Variants in LHFPL3 observed in about 807,000 individuals in gnomAD.
LHFPL3 encodes LHFPL tetraspan subfamily member 3 protein.
In LHFPL3, 5 loss-of-function variants were observed where a neutral mutation model predicts 19.3. The observed-to-expected ratio is 0.26, with a 90% CI of 0.14 to 0.54. The LOEUF is 0.54. LHFPL3 is among the 20% of genes least tolerant of loss of function. The probability of loss-of-function intolerance (pLI) is 0.94; values close to 1 mark genes in which losing one functional copy is unlikely to be tolerated. For synonymous variants in LHFPL3, 133 were observed against 126.2 expected, an observed-to-expected ratio of 1.05 and a Z score of -0.36; for missense variants, 249 against 307.4, an observed-to-expected ratio of 0.81 and a Z score of 1.42.
intron 1 of LHFPL3, among the ~76,000 whole-genome samples, chr7:104,474,687 CA>C (rs928431129): frequency 0.013 from 537 of 41,074 alleles, 1 homozygote; most frequent in African/African-American, 0.02. Context: ...ACAACAACAA[CA>C]AAAAAAAAAA....
At chr7:104,622,856 C>A (rs1189190777) in intron 1 of LHFPL3, 10 of 178,136 alleles carry the variant, frequency 5.6e-5, no homozygotes, top group Non-Finnish European at 3.7e-5. Flanking sequence ...AATGGTAACT[C>A]TGTGTTTAGA....
chr7:104,621,577 C>T (rs188054047), intron 1 of LHFPL3, among the ~76,000 whole-genome samples: 102 of 152,284 alleles, frequency 6.7e-4, no homozygotes, highest in African/African-American at 2.3e-3. Flanking sequence ...GACATGGACA[C>T]CTTTCCCTCC....
At chr7:104,704,634 T>C (rs1450194639) in intron 1 of LHFPL3, among the ~76,000 whole-genome samples, 1 of 64,042 alleles carries the variant, frequency 1.6e-5, no homozygotes, top group Non-Finnish European at 3.2e-5. Flanking sequence ...CAGAATTCTT[T>C]ATTTCTTTTT....
At chr7:104,783,011 G>T (rs1464009489) in intron 2 of LHFPL3, among the ~76,000 whole-genome samples, 1 of 152,224 alleles carries the variant, frequency 6.6e-6, no homozygotes, top group African/African-American at 2.4e-5. Flanking sequence ...TTGGCTTAAA[G>T]AAATGGTTCT....
intron 1 of LHFPL3, among the ~76,000 whole-genome samples, chr7:104,596,021 G>C (rs949036059): frequency 1.3e-5 from 2 of 152,228 alleles, no homozygotes; most frequent in Admixed American, 1.3e-4. Flanking sequence ...CTTCCCGGGT[G>C]AGACAATACC....
chr7:104,561,319 G>A (rs1789997678), intron 1 of LHFPL3, among the ~76,000 whole-genome samples: 1 of 149,558 alleles, frequency 6.7e-6, no homozygotes. Flanking sequence ...GGGAGTCTAA[G>A]TCTCTTTGTA....
intron 1 of LHFPL3, among the ~76,000 whole-genome samples, chr7:104,383,520 T>A (rs1790872645): frequency 6.6e-6 from 1 of 152,198 alleles, no homozygotes; most frequent in African/African-American, 2.4e-5. Context: ...AGCATTTCAT[T>A]AGCATTTACA....
At chr7:104,851,515 G>A (rs1317761693) in intron 2 of LHFPL3, among the ~76,000 whole-genome samples, 3 of 152,154 alleles carry the variant, frequency 2.0e-5, no homozygotes, top group Admixed American at 6.5e-5. Flanking sequence ...AAAATCTGAG[G>A]TTATGAGTAT....
intron 2 of LHFPL3, among the ~76,000 whole-genome samples, chr7:104,745,506 T>A (rs1298682445): frequency 1.3e-5 from 2 of 152,258 alleles, no homozygotes; most frequent in Non-Finnish European, 2.9e-5. Flanking sequence ...TTTGTTGTGG[T>A]ATAACCCTGT....
At chr7:104,493,586 C>A (rs1208981336) in intron 1 of LHFPL3, among the ~76,000 whole-genome samples, 1 of 152,164 alleles carries the variant, frequency 6.6e-6, no homozygotes, top group Non-Finnish European at 1.5e-5. Flanking sequence ...GCTGGGCCTG[C>A]TGATGGCCTC....
chr7:104,636,659 G>T (rs1791733262), intron 1 of LHFPL3, among the ~76,000 whole-genome samples: 1 of 152,100 alleles, frequency 6.6e-6, no homozygotes, highest in African/African-American at 2.4e-5. Flanking sequence ...GCATTAGTTT[G>T]CTAAGTATAA....
chr7:104,437,045 T>C lies in LHFPL3; in HGVS notation c.445+107821T>C, dbSNP rs151128160. 2.0e-3 allele frequency among the ~76,000 whole-genome samples: 309 copies of C among 152,328 alleles called. 1 individual carries two copies. Among genetic ancestry groups the C allele is most frequent in the African/African-American group, 7.1e-3 (294 of 41,566 alleles). ...CCTTGAAGGGATAGATTAAGTGCGA[T>C]TATATTTTTTCAGAAGTAGCTACTA... On this transcript the variant is annotated intron_variant, in intron 1 of 2. Transcript: ENST00000424859.
At chr7:104,829,499 G>A (rs1408367182) in intron 2 of LHFPL3, among the ~76,000 whole-genome samples, 3 of 151,038 alleles carry the variant, frequency 2.0e-5, no homozygotes, top group Non-Finnish European at 4.4e-5. Context: ...CCCCACAACA[G>A]TCCCCGGAGT....
chr7:104,358,219 C>T (rs981319559), intron 1 of LHFPL3, among the ~76,000 whole-genome samples: 12 of 152,192 alleles, frequency 7.9e-5, no homozygotes, highest in Non-Finnish European at 1.5e-4. Context: ...GAAAAAGTGT[C>T]GGAACTGGTA....
chr7:104,492,267 CA>C (rs58529136), intron 1 of LHFPL3, among the ~76,000 whole-genome samples: 39,713 of 152,052 alleles, frequency 0.26, 5,390 homozygotes, highest in South Asian at 0.44. Flanking sequence ...GACTAGTTAA[CA>C]GGAAATAATA....
At chr7:104,403,044 C>T (rs1051746689) in intron 1 of LHFPL3, among the ~76,000 whole-genome samples, 2 of 150,802 alleles carry the variant, frequency 1.3e-5, no homozygotes, top group East Asian at 3.9e-4. Context: ...CATCACACAC[C>T]GGGGCCTGTC....
At chr7:104,758,289 C>G (rs974508857) in intron 2 of LHFPL3, among the ~76,000 whole-genome samples, 1 of 152,010 alleles carries the variant, frequency 6.6e-6, no homozygotes, top group African/African-American at 2.4e-5. Flanking sequence ...CATTTGTTCC[C>G]CAAACCTCAG....
chr7:104,801,927 A>G (rs1246513181), intron 2 of LHFPL3, among the ~76,000 whole-genome samples: 2 of 152,126 alleles, frequency 1.3e-5, no homozygotes, highest in Non-Finnish European at 2.9e-5. Flanking sequence ...GTTAAGAGCT[A>G]TCAAAGACCA....
At chr7:104,488,925 G>C (rs1793287371) in intron 1 of LHFPL3, among the ~76,000 whole-genome samples, 1 of 152,202 alleles carries the variant, frequency 6.6e-6, no homozygotes, top group African/African-American at 2.4e-5. Flanking sequence ...TTCAGGCAAA[G>C]AGAACCGGGG....
Sources: allele counts gnomAD v4.1 joint callset (sites outside exome capture counted in the v4.1 genomes callset), GRCh38; gene constraint gnomAD v4.1.1; transcripts MANE v1.5; gene names NCBI Gene and HGNC (gene_info 2026-07-23, HGNC 2026-07-21).